Variants in RSRC1 observed in about 807,000 individuals in gnomAD.
RSRC1 encodes the protein arginine and serine rich coiled-coil 1.
In RSRC1, 39 loss-of-function variants were observed where a neutral mutation model predicts 49.1. The observed-to-expected ratio is 0.79, with a 90% CI of 0.61 to 1.04. The LOEUF is 1.04. RSRC1 is among the 50% of genes least tolerant of loss of function. The pLI, the probability that RSRC1 is intolerant of heterozygous loss-of-function variation, is 0.00. For synonymous variants in RSRC1, 143 were observed against 130.8 expected (o/e 1.09, Z -0.63); for missense variants, 388 against 402.4 (o/e 0.96, Z 0.31).
intron 7 of RSRC1, among the ~76,000 whole-genome samples, chr3:158,509,643 A>G (rs1740047828): frequency 1.3e-5 from 2 of 152,202 alleles, no homozygotes; most frequent in Non-Finnish European, 2.9e-5. Flanking sequence ...TTAATATTTT[A>G]CAAATTAAAA....
chr3:158,214,999 GTC>G (rs199717302), intron 4 of RSRC1, among the ~76,000 whole-genome samples: 2,524 of 151,434 alleles, frequency 0.017, 63 homozygotes, highest in African/African-American at 0.058. Context: ...AAGTGTTGAA[GTC>G]TCTAACTATA....
Position 158,254,058 on chromosome 3 carries a change from T to C in RSRC1, c.495-43981T>C, listed in dbSNP as rs148894042. 5.3e-4 allele frequency among the ~76,000 whole-genome samples: 80 copies of C among 152,278 alleles called. 1 individual carries two copies. Among genetic ancestry groups the C allele is most frequent in the African/African-American group, 1.8e-3 (76 of 41,568 alleles). Reference sequence around the variant, plus strand: ...GTGTTAGTTTGCTGAAAATGATGGTTTCCAGCTTCATCCATGTCCCTGCAA... The same window carrying C: ...GTGTTAGTTTGCTGAAAATGATGGTCTCCAGCTTCATCCATGTCCCTGCAA... On this transcript the variant is annotated intron_variant, in intron 4 of 9. Transcript: ENST00000611884.
At chr3:158,153,625 C>T (rs1717685045) in intron 3 of RSRC1, among the ~76,000 whole-genome samples, 2 of 152,062 alleles carry the variant, frequency 1.3e-5, no homozygotes, top group East Asian at 1.9e-4. Flanking sequence ...AGTCATGCCC[C>T]GTTGGTCTTT....
In RSRC1 at chr3:158,480,899, G is replaced by A. The variant is rs188765808; in HGVS notation, c.652+19896G>A. ...AATATGCAATCACAGGTATATTCAC[G>A]TAAGAACCACATGAATTTCTCTGGG... is the stretch of plus-strand genomic sequence containing the variant. On this transcript the variant is annotated intron_variant, in intron 7 of 9. Transcript: ENST00000611884. 3.2e-4 allele frequency among the ~76,000 whole-genome samples: 48 copies of A among 151,968 alleles called. No individual in the cohort carries two copies. The East Asian group carries it at 4.6e-3, about 15-fold the overall frequency.
intron 4 of RSRC1, among the ~76,000 whole-genome samples, chr3:158,247,536 T>A (rs1380728348): frequency 6.6e-6 from 1 of 152,166 alleles, no homozygotes; most frequent in Non-Finnish European, 1.5e-5. Context: ...CTTATCTACC[T>A]TCGATTTTTG....
At chr3:158,530,998 T>G (rs909600961) in intron 7 of RSRC1, among the ~76,000 whole-genome samples, 37 of 150,418 alleles carry the variant, frequency 2.5e-4, no homozygotes, top group African/African-American at 8.8e-4. Context: ...CTTTTTATAA[T>G]TTGACATTTT....
intron 4 of RSRC1, among the ~76,000 whole-genome samples, chr3:158,258,556 A>T (rs1026225821): frequency 1.3e-5 from 2 of 151,726 alleles, no homozygotes; most frequent in African/African-American, 4.8e-5. Flanking sequence ...GTGTTCTATA[A>T]CCTTCTTGTT....
intron 3 of RSRC1, among the ~76,000 whole-genome samples, chr3:158,175,513 A>G (rs891281183): frequency 5.9e-5 from 9 of 151,940 alleles, no homozygotes; most frequent in Middle Eastern, 6.3e-3. Context: ...CAGTTGACCC[A>G]TTACTACTTA....
intron 6 of RSRC1, among the ~76,000 whole-genome samples, chr3:158,452,753 A>G (rs1448872334): frequency 1.3e-5 from 2 of 152,216 alleles, no homozygotes; most frequent in South Asian, 4.1e-4. Flanking sequence ...AGCATCACGA[A>G]ACTTCTTCAA....
intron 7 of RSRC1, among the ~76,000 whole-genome samples, chr3:158,532,557 C>T (rs1197828792): frequency 6.6e-6 from 1 of 151,728 alleles, no homozygotes; most frequent in Non-Finnish European, 1.5e-5. Flanking sequence ...CTATAAACAT[C>T]AACAGTAACT....
chr3:158,473,032 G>A lies in RSRC1; in HGVS notation c.652+12029G>A, dbSNP rs562523639. Among the ~76,000 whole-genome samples the A allele has an allele frequency of 6.9e-4, 105 of 152,300 alleles. No homozygotes were observed. The Middle Eastern group carries it at 0.01, about 15-fold the overall frequency. ...GGAAACAACAGGTGCTGGAGAGGAT[G>A]TGGAGAAATGGGAACACTTTTACAC... is the stretch of plus-strand genomic sequence containing the variant. On this transcript the variant is annotated intron_variant, in intron 7 of 9. Coordinates refer to ENST00000611884, the MANE Select transcript of RSRC1 (RefSeq NM_001271838.2).
chr3:158,483,734 T>C (rs970068379), intron 7 of RSRC1, among the ~76,000 whole-genome samples: 1 of 152,248 alleles, frequency 6.6e-6, no homozygotes, highest in Non-Finnish European at 1.5e-5. Context: ...AGTAAGTTTA[T>C]ATTAATTTTA....
intron 4 of RSRC1, among the ~76,000 whole-genome samples, chr3:158,284,822 A>T (rs1468878671): frequency 6.7e-6 from 1 of 149,474 alleles, no homozygotes; most frequent in African/African-American, 2.5e-5. Context: ...GGTTGCGAAA[A>T]TTTTCTCCCA....
At chr3:158,365,508 T>C (rs546380097) in intron 6 of RSRC1, among the ~76,000 whole-genome samples, 41 of 152,340 alleles carry the variant, frequency 2.7e-4, no homozygotes, top group African/African-American at 8.9e-4. Context: ...TAGTATTCCA[T>C]GTTGTATATG....
chr3:158,504,007 G>A (rs1298751185), intron 7 of RSRC1, among the ~76,000 whole-genome samples: 3 of 152,136 alleles, frequency 2.0e-5, no homozygotes, highest in Non-Finnish European at 2.9e-5. Flanking sequence ...TGTGGTGTCA[G>A]GCAGGAATGT....
chr3:158,443,329 C>T (rs761350777), intron 6 of RSRC1, among the ~76,000 whole-genome samples: 2 of 152,144 alleles, frequency 1.3e-5, no homozygotes, highest in Non-Finnish European at 2.9e-5. Context: ...TTAGCGTAGC[C>T]GCCTTCATCA....
chr3:158,292,914 A>T (rs188658010), intron 4 of RSRC1, among the ~76,000 whole-genome samples: 48 of 152,310 alleles, frequency 3.2e-4, no homozygotes, highest in Admixed American at 3.1e-3. Context: ...ACTCAAGCTC[A>T]CAGGACTATT....
rs143497381 is a variant in RSRC1 at position 158,176,895 on chromosome 3, A to G, written c.321-26177A>G. On this transcript the variant is annotated intron_variant, in intron 3 of 9. Coordinates refer to ENST00000611884, the MANE Select transcript of RSRC1 (RefSeq NM_001271838.2). ...GGGAGAAAATTTTTGCAATCTACCC[A>G]TCTGACAAAGGGCTAATATCCAGAA... 5.3e-3 allele frequency among the ~76,000 whole-genome samples: 810 copies of G among 152,300 alleles called. 6 individuals carry two copies. Among genetic ancestry groups the G allele is most frequent in the African/African-American group, 0.019 (774 of 41,566 alleles).
intron 6 of RSRC1, among the ~76,000 whole-genome samples, chr3:158,435,127 G>A (rs1016490438): frequency 6.6e-6 from 1 of 151,830 alleles, no homozygotes; most frequent in Non-Finnish European, 1.5e-5. Flanking sequence ...TAGACTGACT[G>A]ATTTGTAGTT....
Sources: gnomAD v4.1 joint callset for allele counts (sites outside exome capture counted in the v4.1 genomes callset) on GRCh38, gnomAD v4.1.1 for gene constraint, MANE v1.5 for transcripts, NCBI Gene and HGNC (gene_info 2026-07-23, HGNC 2026-07-21) for gene names.